NPAS2: variants seen among roughly 807,000 people sequenced by gnomAD.
NPAS2 encodes neuronal PAS domain-containing protein 2.
A neutral mutation model predicts 107.5 loss-of-function variants in NPAS2; 23 were observed. That is an observed-to-expected ratio of 0.21 (90% CI 0.15 to 0.30). NPAS2 has a LOEUF of 0.30. Among genes scored for constraint, NPAS2 ranks in the 10% least tolerant of loss-of-function variants. The pLI, the probability that NPAS2 is intolerant of heterozygous loss-of-function variation, is 1.00. For synonymous variants in NPAS2, 403 were observed against 417.5 expected (o/e 0.97, Z 0.42); for missense variants, 756 against 1,043.3 (o/e 0.72, Z 3.79).
chr2:100,867,053 A>C (rs1445378430), intron 1 of NPAS2, among the ~76,000 whole-genome samples: 1 of 152,220 alleles, frequency 6.6e-6, no homozygotes, highest in African/African-American at 2.4e-5. Context: ...TTTGAAGTGG[A>C]TGCTCCAAAT....
chr2:100,975,639 GTGC>G (rs1210139539), intron 14 of NPAS2, 72 bp downstream of exon 14: 4 of 1,092,752 alleles, frequency 3.7e-6, no homozygotes, highest in African/African-American at 1.6e-5. Flanking sequence ...GCCAGGCGAT[GTGC>G]TGCGTCTCCC....
intron 1 of NPAS2, among the ~76,000 whole-genome samples, chr2:100,865,682 G>C (rs944344193): frequency 1.3e-5 from 2 of 152,140 alleles, no homozygotes; most frequent in African/African-American, 4.8e-5. Context: ...AATTCCAAGT[G>C]CCTGGTGTTA....
chr2:100,966,154 A>G (rs1306143183), intron 10 of NPAS2, among the ~76,000 whole-genome samples: 9 of 152,200 alleles, frequency 5.9e-5, no homozygotes, highest in Admixed American at 5.9e-4. Flanking sequence ...ACCATAGGCC[A>G]GATACTGAGT....
rs1459513811 is a variant in NPAS2 at position 100,974,922 on chromosome 2, C to T, written c.1260C>T (p.His420=). Residue 420 remains histidine, a synonymous_variant, in exon 13 of 21, where the codon CAC becomes CAT. Transcript: ENST00000335681. ...ASSRSSHKSS[H]TAMSEPTSTP... is the part of the protein sequence containing the mutation. ...CAAGAAGTTCCCACAAATCCTCGCA[C>T]ACAGCCATGTCAGAACCCACCTGTG... 3 of 1,613,880 alleles carry T rather than the reference C, an allele frequency of 1.9e-6. No individual in the cohort carries two copies. The highest frequency in any genetic ancestry group is 2.5e-6 in the Non-Finnish European group (3 of 1,179,922).
At chr2:100,874,620 T>A (rs1679838729) in intron 1 of NPAS2, among the ~76,000 whole-genome samples, 1 of 151,740 alleles carries the variant, frequency 6.6e-6, no homozygotes, top group African/African-American at 2.4e-5. Context: ...CGCACACCTG[T>A]AATCCCAGCT....
intron 2 of NPAS2, among the ~76,000 whole-genome samples, chr2:100,923,901 C>G (rs1683398961): frequency 6.6e-6 from 1 of 152,050 alleles, no homozygotes; most frequent in African/African-American, 2.4e-5. Flanking sequence ...TCACGTGTTC[C>G]TTGTTCGTTG....
At chr2:100,985,262 C>G (rs1677715690) in intron 16 of NPAS2, 1 of 152,916 alleles carries the variant, frequency 6.5e-6, no homozygotes, top group South Asian at 2.1e-4. Flanking sequence ...TTCCATCCAG[C>G]CGCCATCTGT....
intron 1 of NPAS2, chr2:100,878,651 T>C: frequency 1.0e-6 from 1 of 984,850 alleles, no homozygotes; most frequent in Non-Finnish European, 1.2e-6. Flanking sequence ...TGCGGTTTTG[T>C]TTCAAAAAAA....
intron 3 of NPAS2, among the ~76,000 whole-genome samples, chr2:100,931,547 T>A (rs1446716478): frequency 1.4e-5 from 2 of 144,524 alleles, no homozygotes; most frequent in Non-Finnish European, 3.0e-5. Flanking sequence ...AGTGTGGTGG[T>A]GCGATCTTGG....
At position 100,965,726 on chromosome 2, in the gene NPAS2, C is replaced by T. The variant is rs1676172149; in HGVS notation, c.867C>T (p.His289=). The T allele has an allele frequency of 3.1e-6, 5 of 1,613,946 alleles. No individual in the cohort carries two copies. Among genetic ancestry groups the T allele is most frequent in the Non-Finnish European group, 4.2e-6 (5 of 1,179,946 alleles). Residue 289 remains histidine (H), a synonymous_variant, in exon 10 of 21, where the codon CAC becomes CAT. Coordinates refer to ENST00000335681, the MANE Select transcript of NPAS2 (RefSeq NM_002518.4). The surrounding 1 kb of genome is among the most constrained non-coding windows in gnomAD (Gnocchi z 4.3). The part of the protein sequence containing the change: ...VLGTSGYDYY[H]IDDLELLARC... ...GAACCTCAGGCTATGACTACTACCA[C>T]ATTGATGACCTGGAGCTCCTGGCCA...
intron 1 of NPAS2, chr2:100,901,542 GCTCC>G: frequency 2.0e-6 from 2 of 985,266 alleles, no homozygotes; most frequent in Non-Finnish European, 2.4e-6. Context: ...CTTCCCTGAC[GCTCC>G]CCTGTGCAGA....
Position 100,965,028 on chromosome 2 carries a change from C to T in NPAS2, c.800+85C>T, listed in dbSNP as rs1200009299. The T allele has an allele frequency of 1.7e-5, 15 of 871,992 alleles. No individual in the cohort carries two copies. The highest frequency in any genetic ancestry group is 2.3e-4 in the Middle Eastern group (1 of 4,392). The allele number at this position is 871,992 out of a possible 1,614,324, so 54.0% of individuals were successfully genotyped here. The stretch of plus-strand genomic sequence containing the variant: ...CAGGCTCTCCTTGGGAGAGAAGAGT[C>T]GGCCCTGGTCCATTGAAAGAGGAGG... On this transcript the variant is annotated intron_variant, in intron 9 of 20. Coordinates refer to ENST00000335681, the MANE Select transcript of NPAS2 (RefSeq NM_002518.4). This position sits in a 1 kb window ranked among gnomAD's most constrained non-coding sequence, Gnocchi z 4.3.
chr2:100,940,559 C>T (rs1376298639), intron 5 of NPAS2, among the ~76,000 whole-genome samples: 1 of 152,180 alleles, frequency 6.6e-6, no homozygotes, highest in East Asian at 1.9e-4. Context: ...CACTCACATG[C>T]GTTAATATGT....
chr2:100,899,294 G>A (rs1477949451), intron 1 of NPAS2, among the ~76,000 whole-genome samples: 1 of 151,476 alleles, frequency 6.6e-6, no homozygotes, highest in African/African-American at 2.4e-5. Flanking sequence ...CGTGATCACG[G>A]TGCACTGCAA....
chr2:100,919,527 T>TG (rs946186426), intron 2 of NPAS2, among the ~76,000 whole-genome samples: 1 of 152,218 alleles, frequency 6.6e-6, no homozygotes, highest in Non-Finnish European at 1.5e-5. Flanking sequence ...TGCTGTGCTT[T>TG]GGGGTGGAGG....
In NPAS2 at chr2:100,988,538, C is replaced by T. The variant is rs145463634; in HGVS notation, c.1827+262C>T. The T allele has an allele frequency of 1.8e-4, 88 of 477,784 alleles. 1 individual carries two copies. The highest frequency in any genetic ancestry group is 1.5e-3 in the African/African-American group (75 of 51,474). The allele number at this position is 477,784 out of a possible 1,614,324, so 29.6% of individuals were successfully genotyped here. The stretch of plus-strand genomic sequence containing the variant: ...TGCTCTCGTGCTTAAAGATATCACT[C>T]GGCTGAAATGTTCACCTTTGATGCT... On this transcript the variant is annotated intron_variant, in intron 17 of 20. Coordinates refer to ENST00000335681, the MANE Select transcript of NPAS2 (RefSeq NM_002518.4).
intron 3 of NPAS2, among the ~76,000 whole-genome samples, chr2:100,926,573 A>T (rs1360162251): frequency 6.6e-6 from 1 of 152,084 alleles, no homozygotes; most frequent in Non-Finnish European, 1.5e-5. Context: ...TCATGTACTT[A>T]TTGGCTATTT....
chr2:100,919,401 C>A (rs977291465), intron 2 of NPAS2, among the ~76,000 whole-genome samples: 2 of 152,116 alleles, frequency 1.3e-5, no homozygotes, highest in Non-Finnish European at 2.9e-5. Flanking sequence ...AACAAAAAAA[C>A]GTTTTAAAGC....
intron 1 of NPAS2, among the ~76,000 whole-genome samples, chr2:100,832,415 C>G (rs959186240): frequency 6.6e-6 from 1 of 152,188 alleles, no homozygotes; most frequent in Non-Finnish European, 1.5e-5. Context: ...TCCTCCTCAG[C>G]CAAGGCCTGC....
Sources: gnomAD v4.1 joint callset for allele counts (sites outside exome capture counted in the v4.1 genomes callset) on GRCh38, gnomAD v4.1.1 for gene constraint, Gnocchi (gnomAD v3.1) non-coding constraint, MANE v1.5 for transcripts, NCBI Gene and HGNC (gene_info 2026-07-23, HGNC 2026-07-21) for gene names.